Variants in RAD54L2 observed in about 807,000 individuals in gnomAD.
The protein encoded by RAD54L2 is helicase ARIP4.
Under a neutral mutation model 138.4 loss-of-function variants are expected in RAD54L2, and 27 were observed. The ratio of observed to expected loss-of-function variants is 0.20; its 90% confidence interval spans 0.14 to 0.27. The LOEUF (loss-of-function observed/expected upper bound fraction) is 0.27, where lower values mean the gene tolerates loss of function less well. Among genes scored for constraint, RAD54L2 ranks in the 10% least tolerant of loss-of-function variants. RAD54L2 has a pLI of 1.00. For synonymous variants in RAD54L2, 644 were observed against 723.2 expected, an observed-to-expected ratio of 0.89 and a Z score of 1.76; for missense variants, 1,396 against 1,890.2, an observed-to-expected ratio of 0.74 and a Z score of 4.85.
At chr3:51,647,955 G>T (rs990735844) in intron 19 of RAD54L2, among the ~76,000 whole-genome samples, 25 of 152,298 alleles carry the variant, frequency 1.6e-4, no homozygotes, top group African/African-American at 5.8e-4. Context: ...TAGACAATGG[G>T]TGCAGCCCAC....
chr3:51,594,943 C>T (rs1699929433), intron 3 of RAD54L2, among the ~76,000 whole-genome samples: 2 of 132,476 alleles, frequency 1.5e-5, no homozygotes, highest in Non-Finnish European at 3.1e-5. Context: ...TGGCTCACTG[C>T]AACCTTCACC....
intron 3 of RAD54L2, among the ~76,000 whole-genome samples, chr3:51,597,426 T>C (rs573891487): frequency 6.6e-6 from 1 of 152,218 alleles, no homozygotes; most frequent in African/African-American, 2.4e-5. Flanking sequence ...GGTGAAGTGG[T>C]GTCAAGGTTA....
intron 3 of RAD54L2, among the ~76,000 whole-genome samples, chr3:51,619,337 G>A (rs1035043650): frequency 3.3e-5 from 5 of 152,130 alleles, no homozygotes; most frequent in African/African-American, 9.7e-5. Flanking sequence ...GATTATAGGC[G>A]TGAGCCACCA....
chr3:51,583,436 T>A (rs9864952), intron 2 of RAD54L2, among the ~76,000 whole-genome samples: 6,865 of 151,758 alleles, frequency 0.045, 523 homozygotes, highest in African/African-American at 0.15. Context: ...TTTATTTTTT[T>A]TTTTTTGAGT....
At chr3:51,557,011 C>T (rs545599175) in intron 2 of RAD54L2, among the ~76,000 whole-genome samples, 15 of 152,252 alleles carry the variant, frequency 9.9e-5, no homozygotes, top group Non-Finnish European at 1.5e-4. Flanking sequence ...TGACTAACTC[C>T]CCCTTTCCCA....
At chr3:51,543,356 G>C (rs4687568) in intron 2 of RAD54L2, among the ~76,000 whole-genome samples, 135,878 of 152,174 alleles carry the variant, frequency 0.89, 60,845 homozygotes, top group African/African-American at 0.95. Flanking sequence ...CGCCTGTAAT[G>C]CCAGCACTTT....
At chr3:51,599,986 T>C (rs775612828) in intron 3 of RAD54L2, among the ~76,000 whole-genome samples, 1 of 151,814 alleles carries the variant, frequency 6.6e-6, no homozygotes, top group Non-Finnish European at 1.5e-5. Context: ...TGGAGTGCAG[T>C]GGCGTGATCT....
At chr3:51,598,173 G>GTATATATATATATATATA (rs1238523807) in intron 3 of RAD54L2, among the ~76,000 whole-genome samples, 1 of 144,478 alleles carries the variant, frequency 6.9e-6, no homozygotes, top group African/African-American at 2.5e-5. Flanking sequence ...GTGTGTGTGT[G>GTATATATATATATATATA]TGTGTATATA....
chr3:51,603,793 G>A (rs1700125146), intron 3 of RAD54L2, among the ~76,000 whole-genome samples: 1 of 152,122 alleles, frequency 6.6e-6, no homozygotes, highest in South Asian at 2.1e-4. Context: ...CCAAGTGATG[G>A]AATTACAGAT....
chr3:51,613,690 G>A (rs1187103599), intron 3 of RAD54L2, among the ~76,000 whole-genome samples: 2 of 151,742 alleles, frequency 1.3e-5, no homozygotes, highest in African/African-American at 4.8e-5. Flanking sequence ...GCTTGAACCT[G>A]GGAGGCGGAG....
At chr3:51,560,198 A>C (rs1453322742) in intron 2 of RAD54L2, among the ~76,000 whole-genome samples, 1 of 152,114 alleles carries the variant, frequency 6.6e-6, no homozygotes, top group African/African-American at 2.4e-5. Flanking sequence ...CTGGTTTTCA[A>C]CCTGGGCTTG....
chr3:51,590,990 G>C (rs1056020673), intron 3 of RAD54L2, among the ~76,000 whole-genome samples: 1 of 152,148 alleles, frequency 6.6e-6, no homozygotes, highest in African/African-American at 2.4e-5. Context: ...GTGTGTACAT[G>C]AGGGAATTGT....
chr3:51,593,875 G>A (rs1362792900), intron 3 of RAD54L2, among the ~76,000 whole-genome samples: 1 of 151,982 alleles, frequency 6.6e-6, no homozygotes, highest in Non-Finnish European at 1.5e-5. Flanking sequence ...TTAATTTTCA[G>A]ATGTTTTTCT....
At chr3:51,601,597 C>T (rs1052504254) in intron 3 of RAD54L2, among the ~76,000 whole-genome samples, 4 of 151,896 alleles carry the variant, frequency 2.6e-5, no homozygotes, top group African/African-American at 4.8e-5. Flanking sequence ...TGAGCCACCG[C>T]GCCCGGGCTA....
In RAD54L2 at chr3:51,603,142, C is replaced by CA. The variant is rs56410629; in HGVS notation, c.139+12603dup. 5.0e-3 allele frequency among the ~76,000 whole-genome samples: 458 copies of CA among 91,476 alleles called. 3 individuals are homozygous for CA. Among genetic ancestry groups the CA allele is most frequent in the African/African-American group, 0.011 (249 of 23,354 alleles). 60.0% of individuals were successfully genotyped at this position (91,476 alleles called of 152,430 possible). ...CATAGTGAAGACCTCATTACTACTA[C>CA]AAAAAAAAAAAAAAAAAAAAGCCAG... On this transcript the variant is annotated intron_variant, in intron 3 of 22. Coordinates refer to ENST00000684192, the MANE Select transcript of RAD54L2 (RefSeq NM_015106.4).
chr3:51,655,822 A>G (rs1701583811), intron 19 of RAD54L2, 149 bp from the exon 20 acceptor site: 3 of 619,472 alleles, frequency 4.8e-6, no homozygotes, highest in Non-Finnish European at 8.0e-6. Context: ...CTCCTTTTGA[A>G]TTGACCAGAC....
intron 1 of RAD54L2, among the ~76,000 whole-genome samples, chr3:51,539,258 G>A (rs1288296470): frequency 6.6e-6 from 1 of 152,206 alleles, no homozygotes; most frequent in Non-Finnish European, 1.5e-5. Context: ...CCAGAGCGCG[G>A]TGTGGGGTTG....
chr3:51,593,523 G>A (rs1699885650), intron 3 of RAD54L2, among the ~76,000 whole-genome samples: 1 of 151,950 alleles, frequency 6.6e-6, no homozygotes, highest in Admixed American at 6.6e-5. Context: ...TAGTAGAGAC[G>A]GGGTCTCACC....
chr3:51,630,763 ATCTG>A lies in RAD54L2; in HGVS notation c.660_663del (p.Ser222LysfsTer17). ...CTCTGCACATTGTGGACAGCAGTGA[ATCTG>A]TCAGTGAAGATGATGAGGAAGAAGA... On this transcript the variant is annotated frameshift_variant, in exon 7 of 23. Transcript: ENST00000684192. LOFTEE classifies it high-confidence loss of function. 6.2e-7 allele frequency: 1 copy of A among 1,614,010 alleles called. No individual in the cohort carries two copies. The highest frequency in any genetic ancestry group is 1.6e-4 in the Middle Eastern group (1 of 6,062).
Sources: allele counts gnomAD v4.1 joint callset (sites outside exome capture counted in the v4.1 genomes callset), GRCh38; gene constraint gnomAD v4.1.1; transcripts MANE v1.5; gene names NCBI Gene and HGNC (gene_info 2026-07-23, HGNC 2026-07-21).